The following AGBL4 variants were observed in gnomAD, a reference collection of about 807,000 sequenced individuals.
The protein encoded by AGBL4 is AGBL carboxypeptidase 4, also known as cytosolic carboxypeptidase 6.
In AGBL4, 58 loss-of-function variants were observed where a neutral mutation model predicts 66.4. The ratio of observed to expected loss-of-function variants is 0.87; its 90% CI spans 0.71 to 1.09. AGBL4 has a LOEUF of 1.09. AGBL4 is among the 50% of genes least tolerant of loss of function. The pLI, the probability that AGBL4 is intolerant of heterozygous loss-of-function variation, is 0.00. For synonymous variants in AGBL4, 234 were observed against 222.9 expected, an observed-to-expected ratio of 1.05 and a Z score of -0.44; for missense variants, 579 against 631.0, an observed-to-expected ratio of 0.92 and a Z score of 0.88.
At chr1:49,805,395 G>T (rs796624906) in intron 2 of AGBL4, among the ~76,000 whole-genome samples, 5 of 152,100 alleles carry the variant, frequency 3.3e-5, no homozygotes, top group African/African-American at 1.2e-4. Flanking sequence ...ATTACAGCCA[G>T]ACAACTCTAT....
At chr1:49,855,331 C>A (rs1646406600) in intron 1 of AGBL4, among the ~76,000 whole-genome samples, 1 of 151,864 alleles carries the variant, frequency 6.6e-6, no homozygotes, top group South Asian at 2.1e-4. Flanking sequence ...ACTTCAAAAC[C>A]CCCACATTCA....
chr1:49,985,217 C>A (rs1483967007), intron 1 of AGBL4, among the ~76,000 whole-genome samples: 1 of 152,024 alleles, frequency 6.6e-6, no homozygotes, highest in Non-Finnish European at 1.5e-5. Flanking sequence ...TTGTAAAATA[C>A]CTACACAATG....
At chr1:49,133,720 C>T (rs1481763325) in intron 4 of AGBL4, among the ~76,000 whole-genome samples, 1 of 151,928 alleles carries the variant, frequency 6.6e-6, no homozygotes, top group Admixed American at 6.6e-5. Flanking sequence ...AATATCCCTG[C>T]TAAATATTTA....
chr1:49,768,090 G>A (rs1223847934), intron 2 of AGBL4, among the ~76,000 whole-genome samples: 1 of 151,906 alleles, frequency 6.6e-6, no homozygotes, highest in African/African-American at 2.4e-5. Flanking sequence ...AATTTTACCA[G>A]ATGTCCAAAG....
intron 1 of AGBL4, among the ~76,000 whole-genome samples, chr1:49,854,796 G>A (rs1646393586): frequency 6.6e-6 from 1 of 152,146 alleles, no homozygotes. Flanking sequence ...GCTACCCACA[G>A]GACAAAGGAA....
chr1:49,161,297 T>G (rs577629243), intron 4 of AGBL4, among the ~76,000 whole-genome samples: 1 of 152,256 alleles, frequency 6.6e-6, no homozygotes, highest in African/African-American at 2.4e-5. Flanking sequence ...TTCCCTTGGT[T>G]AGGAGAGGGA....
At chr1:48,859,824 T>C (rs1317558441) in intron 6 of AGBL4, among the ~76,000 whole-genome samples, 2 of 152,232 alleles carry the variant, frequency 1.3e-5, no homozygotes, top group African/African-American at 4.8e-5. Context: ...GTTAGAGATA[T>C]AGACCAAAAT....
intron 5 of AGBL4, among the ~76,000 whole-genome samples, chr1:48,995,445 T>C (rs1406537060): frequency 6.6e-6 from 1 of 152,226 alleles, no homozygotes; most frequent in Non-Finnish European, 1.5e-5. Flanking sequence ...GCTGGGAATA[T>C]AGCAATAAAC....
intron 13 of AGBL4, 85 bp downstream of exon 13, chr1:48,534,805 G>T: frequency 7.3e-7 from 1 of 1,366,404 alleles, no homozygotes; most frequent in Non-Finnish European, 1.0e-6. Flanking sequence ...ACATAACAAG[G>T]CTGCCAGAAT....
At chr1:49,567,410 A>C (rs1303894428) in intron 3 of AGBL4, among the ~76,000 whole-genome samples, 3 of 152,144 alleles carry the variant, frequency 2.0e-5, no homozygotes, top group African/African-American at 7.2e-5. Flanking sequence ...GGTGCTGTAG[A>C]CTGGAGCTGT....
At chr1:49,577,386 G>A (rs1558069281) in intron 3 of AGBL4, among the ~76,000 whole-genome samples, 1 of 152,212 alleles carries the variant, frequency 6.6e-6, no homozygotes, top group Non-Finnish European at 1.5e-5. Context: ...AGGCTGACCT[G>A]GCTATGGCCA....
chr1:49,350,033 C>T (rs1557860906), intron 3 of AGBL4, among the ~76,000 whole-genome samples: 1 of 152,140 alleles, frequency 6.6e-6, no homozygotes, highest in Non-Finnish European at 1.5e-5. Context: ...ATTTATGCCA[C>T]CCTGTCTGTA....
chr1:49,452,111 C>A (rs1336358971), intron 3 of AGBL4, among the ~76,000 whole-genome samples: 1 of 151,840 alleles, frequency 6.6e-6, no homozygotes, highest in Non-Finnish European at 1.5e-5. Context: ...CCACAATTTT[C>A]AATTACATGA....
intron 3 of AGBL4, among the ~76,000 whole-genome samples, chr1:49,668,020 G>A (rs1404565533): frequency 6.6e-6 from 1 of 152,122 alleles, no homozygotes; most frequent in Non-Finnish European, 1.5e-5. Context: ...TATAGCAAGC[G>A]TATCGTAGGG....
intron 3 of AGBL4, among the ~76,000 whole-genome samples, chr1:49,385,303 T>G (rs1390487944): frequency 6.6e-6 from 1 of 152,096 alleles, no homozygotes; most frequent in African/African-American, 2.4e-5. Flanking sequence ...TTCTGTGTGT[T>G]TTTTTACTAC....
At chr1:48,543,784 A>T (rs1014610850) in intron 11 of AGBL4, among the ~76,000 whole-genome samples, 12 of 152,184 alleles carry the variant, frequency 7.9e-5, no homozygotes, top group African/African-American at 2.9e-4. Flanking sequence ...TTTACGGAGC[A>T]CCTACTATGT....
intron 3 of AGBL4, among the ~76,000 whole-genome samples, chr1:49,362,225 T>C (rs1644152759): frequency 6.6e-6 from 1 of 152,102 alleles, no homozygotes; most frequent in Non-Finnish European, 1.5e-5. Flanking sequence ...GTGGGTTTCA[T>C]CTGGAAAACA....
At chr1:49,786,675 T>C (rs1644462473) in intron 2 of AGBL4, among the ~76,000 whole-genome samples, 1 of 152,170 alleles carries the variant, frequency 6.6e-6, no homozygotes, top group Admixed American at 6.5e-5. Context: ...TTAGAAACAT[T>C]TGTCATCTAT....
At chr1:49,830,632 T>C (rs936214361) in intron 2 of AGBL4, among the ~76,000 whole-genome samples, 2 of 152,214 alleles carry the variant, frequency 1.3e-5, no homozygotes, top group Non-Finnish European at 2.9e-5. Flanking sequence ...TTTGTCAATT[T>C]TGGCTTTTGT....
Sources: gnomAD v4.1 joint callset for allele counts (sites outside exome capture counted in the v4.1 genomes callset) on GRCh38, gnomAD v4.1.1 for gene constraint, MANE v1.5 for transcripts, NCBI Gene and HGNC (gene_info 2026-07-23, HGNC 2026-07-21) for gene names.